AKR1E2: variants seen among roughly 807,000 people sequenced by gnomAD.
The protein encoded by AKR1E2 is aldo-keto reductase family 1 member E2, also known as 1,5-anhydro-D-fructose reductase.
A neutral mutation model predicts 41.9 loss-of-function variants in AKR1E2; 43 were observed. The observed-to-expected ratio is 1.03, with a 90% confidence interval of 0.80 to 1.32. The LOEUF (loss-of-function observed/expected upper bound fraction) is 1.32, where lower values mean the gene tolerates loss of function less well. AKR1E2 is among the 40% of genes most tolerant of loss of function. AKR1E2 has a pLI of 0.00. For missense variants in AKR1E2, 423 were observed against 396.5 expected, an observed-to-expected ratio of 1.07 and a Z score of -0.57; for synonymous variants, 121 against 138.9, an observed-to-expected ratio of 0.87 and a Z score of 0.91.
In AKR1E2 at chr10:4,826,294, C is replaced by T. The variant is rs1832488298; in HGVS notation, c.-31C>T. 3 of 1,224,402 alleles carry T rather than the reference C, an allele frequency of 2.5e-6. No homozygotes were observed. Among genetic ancestry groups the T allele is most frequent in the Non-Finnish European group, 2.0e-6 (2 of 982,682 alleles). 75.8% of individuals were successfully genotyped at this position (1,224,402 alleles called of 1,614,324 possible). A position where few individuals can be genotyped will look rare whatever the true frequency, so the allele number is the denominator to read the frequency against. On this transcript the variant is annotated 5_prime_UTR_variant, in exon 1 of 10. Transcript: ENST00000298375. ...TGCCTGTCGGTAGTCGCGTGCGGGGCGGCGGGGCGGCGGGGCGGCCGGCGG... is the reference window on the plus strand; with the variant it reads ...TGCCTGTCGGTAGTCGCGTGCGGGGTGGCGGGGCGGCGGGGCGGCCGGCGG...
the AKR1E2 span, among the ~76,000 whole-genome samples, chr10:4,870,820 T>A: frequency 1.8e-3 from 268 of 152,260 alleles, no homozygotes; most frequent in African/African-American, 6.0e-3. Flanking sequence ...TATGTGTATT[T>A]CTAAATTTGA....
chr10:4,825,954 G>T (rs373629826), upstream of AKR1E2, among the ~76,000 whole-genome samples: 1 of 152,344 alleles, frequency 6.6e-6, no homozygotes, highest in South Asian at 2.1e-4. Flanking sequence ...AATGCCAGCC[G>T]ATTGTAAAAC....
Position 4,837,597 on chromosome 10 carries a change from C to T in AKR1E2, c.582+16C>T. 6.2e-7 allele frequency: 1 copy of T among 1,610,470 alleles called. No individual in the cohort carries two copies. The highest frequency in any genetic ancestry group is 1.1e-5 in the South Asian group (1 of 90,958). ...AACCAACCAGGTAAGCCGATGGAAG[C>T]ATCAGAGAGTTTAACCTGTGTGGCT... On this transcript the variant is annotated intron_variant, in intron 5 of 9. Coordinates refer to ENST00000298375, the MANE Select transcript of AKR1E2 (RefSeq NM_001040177.3).
the AKR1E2 span, among the ~76,000 whole-genome samples, chr10:4,859,171 T>C: frequency 1.9e-3 from 287 of 152,292 alleles, no homozygotes; most frequent in African/African-American, 6.4e-3. Flanking sequence ...TGAAGTTTTG[T>C]CACAATTTAT....
At chr10:4,866,727 G>A in the AKR1E2 span, among the ~76,000 whole-genome samples, 10 of 145,916 alleles carry the variant, frequency 6.9e-5, no homozygotes, top group East Asian at 2.3e-4. Context: ...TGCAGGCTCC[G>A]GGAGCAGAGA....
chr10:4,869,050 C>G, the AKR1E2 span, among the ~76,000 whole-genome samples: 2 of 152,028 alleles, frequency 1.3e-5, no homozygotes, highest in African/African-American at 2.4e-5. Context: ...AATGCTAGCT[C>G]TGTAAAATGA....
downstream of AKR1E2, among the ~76,000 whole-genome samples, chr10:4,848,895 G>A (rs188554537): frequency 6.9e-4 from 105 of 152,324 alleles, no homozygotes; most frequent in Non-Finnish European, 4.9e-4. Context: ...AGCACCTCCC[G>A]GTTGTGGAGA....
chr10:4,857,120 AT>A, the AKR1E2 span, among the ~76,000 whole-genome samples: 1 of 152,132 alleles, frequency 6.6e-6, no homozygotes, highest in Non-Finnish European at 1.5e-5. Flanking sequence ...TGCCTGGCTT[AT>A]TTCACTTACC....
intron 1 of AKR1E2, among the ~76,000 whole-genome samples, chr10:4,828,869 T>G (rs1233838606): frequency 6.6e-6 from 1 of 152,252 alleles, no homozygotes; most frequent in Non-Finnish European, 1.5e-5. Context: ...AGTTACATTT[T>G]CTACTTGTTT....
downstream of AKR1E2, among the ~76,000 whole-genome samples, chr10:4,852,119 A>C (rs1340749177): frequency 6.6e-6 from 1 of 152,198 alleles, no homozygotes; most frequent in East Asian, 1.9e-4. Context: ...GGTGACCAGC[A>C]TTACTTCACC....
Position 4,833,403 on chromosome 10 carries a change from T to A in AKR1E2, c.261T>A (p.Ser87Arg). The A allele has an allele frequency of 6.2e-7, 1 of 1,613,910 alleles. No individual in the cohort carries two copies. The highest frequency in any genetic ancestry group is 1.1e-5 in the South Asian group (1 of 91,070). Residue 87 changes from serine (S) to arginine (R), a missense_variant, in exon 3 of 10, where the codon AGT becomes AGA. Transcript: ENST00000298375. ...TGGTGGAAACAGCATGCAGAAAGAG[T>A]CTCAAGGCCTTGAAGCTGAACTATT... ...KSLVETACRK[S>R]LKALKLNYLD... is the part of the protein sequence containing the mutation.
rs1833372666 is a variant in AKR1E2 at position 4,835,866 on chromosome 10, G to T, written c.459+57G>T. On this transcript the variant is annotated intron_variant, in intron 4 of 9. Transcript: ENST00000298375. ...TCCTGTGTGGGTCTCCACCCAGGAT[G>T]CAGTGAGCCCTGAGCTGCTTGTGTT... 3.7e-6 allele frequency: 6 copies of T among 1,602,200 alleles called. 1 individual carries two copies. In the South Asian group the frequency reaches 5.6e-5, roughly 15 times the overall value.
At chr10:4,842,929 C>T (rs892343410) in intron 8 of AKR1E2, among the ~76,000 whole-genome samples, 20 of 145,330 alleles carry the variant, frequency 1.4e-4, no homozygotes, top group Admixed American at 4.8e-4. Flanking sequence ...CCCACGTGGC[C>T]TGAGGGCACT....
the AKR1E2 span, among the ~76,000 whole-genome samples, chr10:4,871,027 T>A: frequency 1.3e-5 from 2 of 152,170 alleles, no homozygotes; most frequent in Admixed American, 1.3e-4. Flanking sequence ...TATTGCTTTA[T>A]CTTCCAGATC....
chr10:4,861,402 A>C, the AKR1E2 span, among the ~76,000 whole-genome samples: 2 of 151,990 alleles, frequency 1.3e-5, no homozygotes, highest in African/African-American at 4.8e-5. Context: ...ATGGAGTCTC[A>C]CTCCATTGTC....
At chr10:4,866,639 G>GTTTTT in the AKR1E2 span, among the ~76,000 whole-genome samples, 26 of 107,828 alleles carry the variant, frequency 2.4e-4, 3 homozygotes, top group Non-Finnish European at 4.1e-4. Flanking sequence ...TTTTGTTTTT[G>GTTTTT]TTTTTGTTTT....
At chr10:4,833,582 T>C in intron 3 of AKR1E2, 116 bp downstream of exon 3, 1 of 841,848 alleles carries the variant, frequency 1.2e-6, no homozygotes, top group Non-Finnish European at 2.0e-6. Flanking sequence ...GTTCCCAGGC[T>C]GCATCTGCCA....
chr10:4,865,473 G>A, the AKR1E2 span, among the ~76,000 whole-genome samples: 1 of 151,916 alleles, frequency 6.6e-6, no homozygotes, highest in Non-Finnish European at 1.5e-5. Context: ...TTTGAACCTG[G>A]GCCATAAAGT....
At chr10:4,865,616 C>T in the AKR1E2 span, among the ~76,000 whole-genome samples, 1 of 152,058 alleles carries the variant, frequency 6.6e-6, no homozygotes, top group Non-Finnish European at 1.5e-5. Context: ...AAAACATTGA[C>T]AAGTGAAGAA....
Sources: allele counts gnomAD v4.1 joint callset (sites outside exome capture counted in the v4.1 genomes callset), GRCh38; gene constraint gnomAD v4.1.1; transcripts MANE v1.5; gene names NCBI Gene and HGNC (gene_info 2026-07-23, HGNC 2026-07-21).